The following CPB2 variants were observed in gnomAD, a reference collection of about 807,000 sequenced individuals.
CPB2 encodes carboxypeptidase B-like protein.
CPB2 carries 54 observed loss-of-function variants against 57.0 expected under a neutral mutation model. The ratio of observed to expected loss-of-function variants is 0.95; its 90% CI spans 0.76 to 1.19. The LOEUF (loss-of-function observed/expected upper bound fraction) is 1.19. Among genes scored for constraint, CPB2 ranks in the 50% most tolerant of loss-of-function variants. The pLI is 0.00. For missense variants in CPB2, 426 were observed against 512.0 expected (o/e 0.83, Z 1.62); for synonymous variants, 189 against 178.1 (o/e 1.06, Z -0.49).
At chr13:46,094,384 C>T (rs928865029) in intron 1 of CPB2, among the ~76,000 whole-genome samples, 2 of 152,200 alleles carry the variant, frequency 1.3e-5, no homozygotes, top group African/African-American at 4.8e-5. Flanking sequence ...GGTGAGTGCA[C>T]CTCCTTTGGG....
intron 1 of CPB2, among the ~76,000 whole-genome samples, chr13:46,103,598 G>A (rs2045461965): frequency 6.6e-6 from 1 of 152,156 alleles, no homozygotes; most frequent in African/African-American, 2.4e-5. Context: ...TAGCATGTAG[G>A]ATTTTATGCA....
rs1400684255 is a variant in CPB2, at chr13:46,058,264, G to A, written c.914C>T (p.Ala305Val). 2 of 1,613,890 alleles carry A rather than the reference G, an allele frequency of 1.2e-6. No homozygotes were observed. Among genetic ancestry groups the A allele is most frequent in the African/African-American group, 2.7e-5 (2 of 74,920 alleles). ...GGAGTATGAATGCATGCTGATGTATGCTTTAATCTGGTTGATATTTCTTCT... is the reference window on the plus strand; with the variant it reads ...GGAGTATGAATGCATGCTGATGTATACTTTAATCTGGTTGATATTTCTTCT... ...FLRRNINQIKAYISMHSYSQH... is the reference protein window; with the variant it reads ...FLRRNINQIKVYISMHSYSQH... The change falls in exon 9 of 11, where the codon GCA becomes GTA. Residue 305 changes from alanine to valine, a missense_variant. Ala to Val is a moderately conservative substitution (Grantham distance 64). Coordinates refer to ENST00000181383, the MANE Select transcript of CPB2 (RefSeq NM_001872.5).
chr13:46,103,168 AT>A lies in CPB2; in HGVS notation c.74+1767del, dbSNP rs573457073. Among the ~76,000 whole-genome samples the A allele has an allele frequency of 1.2e-4, 18 of 152,310 alleles. No individual in the cohort carries two copies. In the South Asian group the frequency reaches 3.7e-3, roughly 32 times the overall value. On this transcript the variant is annotated intron_variant, in intron 1 of 10. Coordinates refer to ENST00000181383, the MANE Select transcript of CPB2 (RefSeq NM_001872.5). ...AGTGTGTTTTGCTATTGATTATCCTATCCAAGAGTTTGGGTTACTCTACGAT... is the reference window on the plus strand; with the variant it reads ...AGTGTGTTTTGCTATTGATTATCCTACCAAGAGTTTGGGTTACTCTACGAT...
intron 1 of CPB2, among the ~76,000 whole-genome samples, chr13:46,088,393 C>A (rs1430297312): frequency 6.6e-6 from 1 of 152,174 alleles, no homozygotes; most frequent in Non-Finnish European, 1.5e-5. Context: ...CCTGATTCAA[C>A]TTTATAAAAA....
intron 4 of CPB2, among the ~76,000 whole-genome samples, chr13:46,079,498 T>C (rs1196203175): frequency 2.1e-5 from 3 of 144,012 alleles, no homozygotes; most frequent in Non-Finnish European, 3.0e-5. Context: ...TCCAGTTGTA[T>C]TTGAGGTTCT....
intron 2 of CPB2, among the ~76,000 whole-genome samples, chr13:46,087,287 T>C (rs1452864499): frequency 2.0e-5 from 3 of 152,240 alleles, no homozygotes; most frequent in Non-Finnish European, 4.4e-5. Context: ...GCCTCCCGCA[T>C]GGCAGCAGCC....
chr13:46,076,492 A>C (rs2045024620), intron 5 of CPB2, among the ~76,000 whole-genome samples: 1 of 152,158 alleles, frequency 6.6e-6, no homozygotes. Context: ...AGAACACACA[A>C]AAAAATGAAA....
At chr13:46,055,425 C>CA (rs1566394350) in intron 10 of CPB2, among the ~76,000 whole-genome samples, 3 of 152,198 alleles carry the variant, frequency 2.0e-5, no homozygotes, top group African/African-American at 7.2e-5. Flanking sequence ...GTACAACCTG[C>CA]ACAACCTTCC....
intron 6 of CPB2, chr13:46,073,410 C>T (rs909309908): frequency 1.1e-5 from 9 of 843,930 alleles, no homozygotes; most frequent in Admixed American, 1.2e-4. Context: ...AACAAAATTC[C>T]CTATTATGAC....
intron 1 of CPB2, among the ~76,000 whole-genome samples, chr13:46,095,543 G>A (rs938677124): frequency 3.9e-5 from 6 of 152,166 alleles, no homozygotes; most frequent in South Asian, 2.1e-4. Flanking sequence ...CATCTTTGCC[G>A]GGGTAGAGTC....
In CPB2 at chr13:46,073,902, G is replaced by A; in HGVS notation, c.562C>T (p.Pro188Ser). The change falls in exon 6 of 11, where the codon CCT (proline) becomes TCT (serine). Residue 188 changes from proline (P) to serine (S), a missense_variant. Coordinates refer to ENST00000181383, the MANE Select transcript of CPB2 (RefSeq NM_001872.5). ...CCTATGAACCACAAGCAGAAAGCAG[G>A]AGAGATCCATTCTCTGGCATGGATT... ...CGIHAREWIS[P>S]AFCLWFIGHI... 1.3e-6 allele frequency: 2 copies of A among 1,585,406 alleles called. No individual in the cohort carries two copies. The highest frequency in any genetic ancestry group is 1.7e-6 in the Non-Finnish European group (2 of 1,158,008).
chr13:46,057,034 C>G (rs571124189), intron 9 of CPB2, among the ~76,000 whole-genome samples: 3 of 152,058 alleles, frequency 2.0e-5, no homozygotes, highest in Non-Finnish European at 4.4e-5. Flanking sequence ...TGGTTGAGCT[C>G]CCTAACCATA....
chr13:46,075,105 A>G (rs2045002447), intron 5 of CPB2, among the ~76,000 whole-genome samples: 1 of 152,196 alleles, frequency 6.6e-6, no homozygotes, highest in Non-Finnish European at 1.5e-5. Flanking sequence ...TAGACTTGCA[A>G]TTCCAAAATA....
At position 46,093,942 on chromosome 13, in the gene CPB2, G is replaced by A. The variant is rs17844174; in HGVS notation, c.75-6122C>T. Among the ~76,000 whole-genome samples the A allele has an allele frequency of 8.9e-3, 1,352 of 152,180 alleles. 19 individuals are homozygous for A. Among genetic ancestry groups the A allele is most frequent in the African/African-American group, 0.031 (1,301 of 41,494 alleles). On this transcript the variant is annotated intron_variant, in intron 1 of 10. Coordinates refer to ENST00000181383, the MANE Select transcript of CPB2 (RefSeq NM_001872.5). ...TTTTCACCAGGATGGTGAAATTTTA[G>A]TATTTTCTCCCTAATTTTATGCTTT...
chr13:46,087,621 G>A, intron 2 of CPB2, 124 bp downstream of exon 2: 1 of 672,822 alleles, frequency 1.5e-6, no homozygotes, highest in Non-Finnish European at 2.6e-6. Flanking sequence ...AGAAGGGAGA[G>A]AAGACTATGA....
chr13:46,055,110 C>G (rs938848217), intron 10 of CPB2, among the ~76,000 whole-genome samples: 1 of 149,584 alleles, frequency 6.7e-6, no homozygotes, highest in Non-Finnish European at 1.5e-5. Flanking sequence ...TGGATTTGGC[C>G]TTCAGGCTGT....
chr13:46,056,487 G>A (rs772549227), intron 9 of CPB2, among the ~76,000 whole-genome samples: 3 of 152,138 alleles, frequency 2.0e-5, no homozygotes, highest in African/African-American at 4.8e-5. Flanking sequence ...ATTGGAACTA[G>A]CATCATGGTA....
At position 46,089,798 on chromosome 13, in the gene CPB2, G is replaced by T. The variant is rs986958036; in HGVS notation, c.75-1978C>A. ...GAAGATAGTCCCTCCCCAAACACAA[G>T]AATTAGCTGGTGCTTTGTCATGAAC... On this transcript the variant is annotated intron_variant, in intron 1 of 10. Transcript: ENST00000181383. Among the ~76,000 whole-genome samples the T allele has an allele frequency of 3.9e-5, 6 of 152,212 alleles. No individual in the cohort carries two copies. In the South Asian group the frequency reaches 1.2e-3, roughly 32 times the overall value.
chr13:46,099,372 G>C (rs2045406112), intron 1 of CPB2: 1 of 152,192 alleles, frequency 6.6e-6, no homozygotes, highest in Non-Finnish European at 1.5e-5. Flanking sequence ...AAAGTTGGTT[G>C]GGCATGATTT....
Sources: gnomAD v4.1 joint callset for allele counts (sites outside exome capture counted in the v4.1 genomes callset) on GRCh38, gnomAD v4.1.1 for gene constraint, MANE v1.5 for transcripts, NCBI Gene and HGNC (gene_info 2026-07-23, HGNC 2026-07-21) for gene names.